Variants in ZSWIM5 observed in about 807,000 individuals in gnomAD.
ZSWIM5 encodes zinc finger SWIM domain-containing protein 5.
Under a neutral mutation model 119.6 loss-of-function variants are expected in ZSWIM5, and 55 were observed. That is an observed-to-expected ratio of 0.46 (90% CI 0.37 to 0.58). The LOEUF is 0.58. Among genes scored for constraint, ZSWIM5 ranks in the 20% least tolerant of loss-of-function variants. The pLI, the probability that ZSWIM5 is intolerant of heterozygous loss-of-function variation, is 0.00. For synonymous variants in ZSWIM5, 537 were observed against 606.9 expected (o/e 0.88, Z 1.69); for missense variants, 1,193 against 1,512.8 (o/e 0.79, Z 3.51).
chr1:45,088,171 A>G lies in ZSWIM5; in HGVS notation c.662T>C (p.Val221Ala). ...TTTGCATCGATCAAAACTGATTGCA[A>G]CTTTATAAGTCACTGCTGGTTCAGA... ...TASEPAVTYK[V>A]AISFDRCKIT... Residue 221 changes from valine to alanine, a missense_variant, in exon 2 of 14, where the codon GTT (valine) becomes GCT (alanine). Physicochemically the swap from Val to Ala is moderately conservative, Grantham distance 64. Transcript: ENST00000359600. The surrounding 1 kb of genome is among the most constrained non-coding windows in gnomAD (Gnocchi z 4.2). 1 of 1,614,194 alleles carries G rather than the reference A, an allele frequency of 6.2e-7. No homozygotes were observed. The highest frequency in any genetic ancestry group is 8.5e-7 in the Non-Finnish European group (1 of 1,180,024).
chr1:45,150,202 A>G (rs568340646), intron 1 of ZSWIM5, among the ~76,000 whole-genome samples: 1 of 151,612 alleles, frequency 6.6e-6, no homozygotes, highest in South Asian at 2.1e-4. Flanking sequence ...GAAAAAGAAA[A>G]GAAAAAAAGA....
intron 11 of ZSWIM5, among the ~76,000 whole-genome samples, chr1:45,028,753 T>C (rs1399408286): frequency 6.6e-6 from 1 of 150,858 alleles, no homozygotes; most frequent in East Asian, 2.0e-4. Context: ...AGACTCTGTC[T>C]CAAAAAATAA....
chr1:45,206,262 G>A lies in ZSWIM5; in HGVS notation c.89C>T (p.Ala30Val). ...KRQCSWPSPQ[A>V]HHPRGSPGAA... ...CCCAGGCGAACCGCGAGGGTGATGA[G>A]CCTGCGGGCTGGGCCACGAACACTG... is the stretch of plus-strand genomic sequence containing the variant. Residue 30 changes from alanine (A) to valine (V), a missense_variant, in exon 1 of 14, where the codon GCT (alanine) becomes GTT (valine). Coordinates refer to ENST00000359600, the MANE Select transcript of ZSWIM5 (RefSeq NM_020883.2). 2 of 1,583,240 alleles carry A rather than the reference G, an allele frequency of 1.3e-6. No individual in the cohort carries two copies. The highest frequency in any genetic ancestry group is 1.7e-6 in the Non-Finnish European group (2 of 1,166,130).
intron 11 of ZSWIM5, among the ~76,000 whole-genome samples, chr1:45,031,303 A>G (rs1470861703): frequency 6.7e-6 from 1 of 149,614 alleles, no homozygotes; most frequent in Non-Finnish European, 1.5e-5. Context: ...CAGCCTCCCG[A>G]GTAGCTGGGA....
rs1199846989 is a variant in ZSWIM5, at chr1:45,059,998, G to A, written c.1101+101C>T. 41 of 1,398,252 alleles carry A rather than the reference G, an allele frequency of 2.9e-5. 1 individual carries two copies. Among genetic ancestry groups the A allele is most frequent in the Admixed American group, 5.8e-5 (3 of 51,516 alleles). The allele number at this position is 1,398,252 out of a possible 1,614,324, so 86.6% of individuals were successfully genotyped here. On this transcript the variant is annotated intron_variant, in intron 3 of 13. Transcript: ENST00000359600. The stretch of plus-strand genomic sequence containing the variant: ...CAAGTATTCAGTTCAGCTATGTCAA[G>A]TGAGCTAGGTATAATGCATGAAGCC...
intron 1 of ZSWIM5, among the ~76,000 whole-genome samples, chr1:45,104,120 T>C (rs1645455662): frequency 6.6e-6 from 1 of 152,228 alleles, no homozygotes; most frequent in Non-Finnish European, 1.5e-5. Context: ...AATTAGACCT[T>C]CTCACTTAAT....
Position 45,206,468 on chromosome 1 carries a change from C to T in ZSWIM5, c.-118G>A. On this transcript the variant is annotated 5_prime_UTR_variant, in exon 1 of 14. Transcript: ENST00000359600. ...AGCGGTGGCGCCGAGGGGGGCGGGGCGAGAGAACCCGCGAGCCAGCCGGCC... is the reference window on the plus strand; with the variant it reads ...AGCGGTGGCGCCGAGGGGGGCGGGGTGAGAGAACCCGCGAGCCAGCCGGCC... 1.7e-6 allele frequency: 2 copies of T among 1,199,686 alleles called. No homozygotes were observed. The highest frequency in any genetic ancestry group is 2.1e-6 in the Non-Finnish European group (2 of 968,000). 74.3% of individuals were successfully genotyped at this position (1,199,686 alleles called of 1,614,324 possible). A position where few individuals can be genotyped will look rare whatever the true frequency, so the allele number is the denominator to read the frequency against.
intron 1 of ZSWIM5, among the ~76,000 whole-genome samples, chr1:45,101,209 A>C (rs1465506840): frequency 2.0e-5 from 3 of 152,106 alleles, no homozygotes; most frequent in Non-Finnish European, 4.4e-5. Context: ...AAAAAAAACG[A>C]CCCCATCAAA....
intron 1 of ZSWIM5, among the ~76,000 whole-genome samples, chr1:45,092,455 C>A (rs774116821): frequency 1.3e-5 from 2 of 150,468 alleles, no homozygotes; most frequent in African/African-American, 2.4e-5. Flanking sequence ...TGCCAACACA[C>A]CTGGCTACTT....
At chr1:45,162,863 T>G (rs570211794) in intron 1 of ZSWIM5, among the ~76,000 whole-genome samples, 5 of 152,230 alleles carry the variant, frequency 3.3e-5, no homozygotes, top group Non-Finnish European at 7.3e-5. Flanking sequence ...CAAGGAGGCC[T>G]GCCTGCCTCT....
rs12239007 is a variant in ZSWIM5, at chr1:45,176,065, T to C, written c.595+29691A>G. 6.6e-3 allele frequency among the ~76,000 whole-genome samples: 992 copies of C among 151,356 alleles called. 7 individuals are homozygous for C. Among genetic ancestry groups the C allele is most frequent in the African/African-American group, 0.023 (952 of 41,394 alleles). ...AGAAAAGTACTTGGAAACCAAGATA[T>C]GGGCATTAGGTGTGCTTATTGCTAT... On this transcript the variant is annotated intron_variant, in intron 1 of 13. Coordinates refer to ENST00000359600, the MANE Select transcript of ZSWIM5 (RefSeq NM_020883.2).
Position 45,020,709 on chromosome 1 carries a change from G to T in ZSWIM5, c.2529C>A (p.Ala843=), listed in dbSNP as rs1644882633. ...GAGTAGCAATCTTGAATGCATCTTG[G>T]GCCAGTTTGAAGATGAGGGAGGAAG... The part of the protein sequence containing the change: ...IHSSSLIFKL[A]QDAFKIATPT... The change falls in exon 12 of 14, where the codon GCC becomes GCA. Residue 843 remains alanine, a synonymous_variant. Transcript: ENST00000359600. The T allele has an allele frequency of 6.2e-7, 1 of 1,614,030 alleles. No homozygotes were observed. Among genetic ancestry groups the T allele is most frequent in the Non-Finnish European group, 8.5e-7 (1 of 1,180,002 alleles).
At chr1:45,183,534 C>T (rs1402892508) in intron 1 of ZSWIM5, among the ~76,000 whole-genome samples, 1 of 152,242 alleles carries the variant, frequency 6.6e-6, no homozygotes, top group East Asian at 1.9e-4. Flanking sequence ...AGAGAAGAAT[C>T]AAATAGGCAC....
At chr1:45,053,762 C>CAAAAAAAA (rs10675427) in intron 4 of ZSWIM5, among the ~76,000 whole-genome samples, 6 of 92,070 alleles carry the variant, frequency 6.5e-5, no homozygotes, top group Admixed American at 2.9e-4. Context: ...GACTCTGTTT[C>CAAAAAAAA]AAAAAAAAAA....
chr1:45,028,122 A>G (rs1161249654), intron 11 of ZSWIM5, among the ~76,000 whole-genome samples: 1 of 152,176 alleles, frequency 6.6e-6, no homozygotes, highest in Non-Finnish European at 1.5e-5. Context: ...AAGTGCTGGG[A>G]TTACAGGGGT....
At chr1:45,110,036 T>C (rs1407898932) in intron 1 of ZSWIM5, among the ~76,000 whole-genome samples, 1 of 152,102 alleles carries the variant, frequency 6.6e-6, no homozygotes, top group East Asian at 1.9e-4. Context: ...GGCTAATTTT[T>C]AATTTTTTTT....
intron 2 of ZSWIM5, among the ~76,000 whole-genome samples, chr1:45,065,667 G>A (rs1645178321): frequency 6.6e-6 from 1 of 152,078 alleles, no homozygotes; most frequent in African/African-American, 2.4e-5. Context: ...AATGTTTGCT[G>A]GCCTACAATG....
At chr1:45,201,670 CCAT>C (rs1298560492) in intron 1 of ZSWIM5, among the ~76,000 whole-genome samples, 1 of 152,116 alleles carries the variant, frequency 6.6e-6, no homozygotes, top group Non-Finnish European at 1.5e-5. Context: ...TTTAGTTTAT[CCAT>C]CATCTTTAAA....
chr1:45,130,075 T>A lies in ZSWIM5; in HGVS notation c.596-41838A>T, dbSNP rs146892021. 4.6e-3 allele frequency among the ~76,000 whole-genome samples: 705 copies of A among 152,250 alleles called. 8 individuals carry two copies. The highest frequency in any genetic ancestry group is 0.016 in the African/African-American group (664 of 41,536). On this transcript the variant is annotated intron_variant, in intron 1 of 13. Transcript: ENST00000359600. ...ACCATGCCCGGCTAATTTTTGTATTTTTAGTAGAGACAGGGTTTCGCCATG... is the reference window on the plus strand; with the variant it reads ...ACCATGCCCGGCTAATTTTTGTATTATTAGTAGAGACAGGGTTTCGCCATG...
Sources: allele counts gnomAD v4.1 joint callset (sites outside exome capture counted in the v4.1 genomes callset), GRCh38; gene constraint gnomAD v4.1.1; non-coding constraint Gnocchi (gnomAD v3.1); transcripts MANE v1.5; gene names NCBI Gene and HGNC (gene_info 2026-07-23, HGNC 2026-07-21).